Variants in DGKB observed in about 807,000 individuals in gnomAD.
The protein encoded by DGKB is diacylglycerol kinase beta.
DGKB carries 67 observed loss-of-function variants against 114.3 expected under a neutral mutation model. The ratio of observed to expected loss-of-function variants is 0.59; its 90% confidence interval spans 0.48 to 0.72. The LOEUF (loss-of-function observed/expected upper bound fraction) is 0.72. Among genes scored for constraint, DGKB ranks in the 30% least tolerant of loss-of-function variants. The probability of loss-of-function intolerance (pLI) is 0.00; values close to 1 mark genes in which losing one functional copy is unlikely to be tolerated. For synonymous variants in DGKB, 398 were observed against 323.1 expected, an observed-to-expected ratio of 1.23 and a Z score of -2.49; for missense variants, 907 against 975.2, an observed-to-expected ratio of 0.93 and a Z score of 0.93.
chr7:14,525,032 T>C (rs1365517170), intron 20 of DGKB, among the ~76,000 whole-genome samples: 1 of 152,130 alleles, frequency 6.6e-6, no homozygotes, highest in African/African-American at 2.4e-5. Flanking sequence ...GATGAGTACA[T>C]GTAGTCATCC....
At chr7:14,798,976 T>C (rs2128042729) in intron 2 of DGKB, among the ~76,000 whole-genome samples, 1 of 152,348 alleles carries the variant, frequency 6.6e-6, no homozygotes, top group East Asian at 1.9e-4. Context: ...CAGAAATTAG[T>C]GCCATCATCA....
At chr7:14,346,253 T>C (rs1269587839) in intron 21 of DGKB, among the ~76,000 whole-genome samples, 1 of 151,864 alleles carries the variant, frequency 6.6e-6, no homozygotes, top group Non-Finnish European at 1.5e-5. Context: ...AAAAAGACAT[T>C]TGGCAAAGGC....
intron 1 of DGKB, among the ~76,000 whole-genome samples, chr7:14,931,540 CT>C (rs1286226591): frequency 1.3e-5 from 2 of 152,030 alleles, no homozygotes; most frequent in Admixed American, 6.6e-5. Flanking sequence ...GTCCTCAGAC[CT>C]TTGGTGAAAA....
intron 25 of DGKB, among the ~76,000 whole-genome samples, chr7:14,167,292 A>C (rs1262935669): frequency 6.6e-6 from 1 of 151,932 alleles, no homozygotes; most frequent in Non-Finnish European, 1.5e-5. Flanking sequence ...GGTAATTAAA[A>C]CTCCAATGGA....
chr7:14,517,802 A>G (rs1253017410), intron 20 of DGKB, among the ~76,000 whole-genome samples: 1 of 152,082 alleles, frequency 6.6e-6, no homozygotes, highest in Non-Finnish European at 1.5e-5. Flanking sequence ...TAAAAAGTAA[A>G]AAAAAGTAAC....
chr7:14,945,524 C>A (rs897247223), intron 1 of DGKB, among the ~76,000 whole-genome samples: 1 of 151,738 alleles, frequency 6.6e-6, no homozygotes, highest in South Asian at 2.1e-4. Flanking sequence ...TAAACATACA[C>A]AATCAGATCT....
At chr7:14,829,999 T>C (rs1846195847) in intron 2 of DGKB, among the ~76,000 whole-genome samples, 1 of 152,066 alleles carries the variant, frequency 6.6e-6, no homozygotes, top group Admixed American at 6.6e-5. Context: ...TAGAGATCAC[T>C]GGGCAGTATT....
rs1433865159 is a variant in DGKB at position 14,697,999 on chromosome 7, AAGAAAGAAAGAAAGAAAG to A, written c.591+78_591+95del. The A allele has an allele frequency of 9.5e-3, 1,557 of 163,934 alleles. 16 individuals are homozygous for A. The highest frequency in any genetic ancestry group is 0.073 in the African/African-American group (1,265 of 17,338). The allele number at this position is 163,934 out of a possible 1,614,324, so 10.2% of individuals were successfully genotyped here. ...AAAGAAAGAGAGAGAGAAAGAAAAAAAGAAAGAAAGAAAGAAAGAGAAAGAAAGAAAGAAAGAAAAGAA... is the reference window on the plus strand; with the variant it reads ...AAAGAAAGAGAGAGAGAAAGAAAAAAAGAAAGAAAGAAAGAAAGAAAAGAA... On this transcript the variant is annotated intron_variant, in intron 8 of 25. Coordinates refer to ENST00000402815, the MANE Select transcript of DGKB (RefSeq NM_001350709.2).
intron 2 of DGKB, among the ~76,000 whole-genome samples, chr7:14,791,789 C>T (rs148182568): frequency 5.8e-4 from 88 of 152,186 alleles, no homozygotes; most frequent in African/African-American, 1.9e-3. Context: ...TTGGACATGA[C>T]GTATCATTTT....
intron 23 of DGKB, among the ~76,000 whole-genome samples, chr7:14,198,228 A>G (rs1785306054): frequency 1.3e-5 from 2 of 152,140 alleles, no homozygotes; most frequent in African/African-American, 2.4e-5. Context: ...AGAAAAAATT[A>G]GAAAGCAGAG....
chr7:14,953,799 T>C lies in DGKB; in HGVS notation c.-188+20897A>G, dbSNP rs144733852. On this transcript the variant is annotated intron_variant, in intron 1 of 4. Coordinates refer to the DGKB transcript ENST00000437998. ...ACAAGAACTGTAAAGAATCCAAATG[T>C]TAGGGTTAAAATAAAAATCCTCCCC... is the stretch of plus-strand genomic sequence containing the variant. 1.9e-3 allele frequency among the ~76,000 whole-genome samples: 282 copies of C among 152,210 alleles called. 4 individuals are homozygous for C. The highest frequency in any genetic ancestry group is 6.6e-3 in the African/African-American group (273 of 41,542).
intron 21 of DGKB, among the ~76,000 whole-genome samples, chr7:14,381,529 G>T (rs764357383): frequency 1.3e-5 from 2 of 152,162 alleles, no homozygotes; most frequent in Non-Finnish European, 2.9e-5. Context: ...TCTAACTAAT[G>T]AATCTTACCA....
upstream of DGKB, chr7:14,903,069 T>C (rs770239411): frequency 2.0e-5 from 3 of 152,216 alleles, no homozygotes; most frequent in African/African-American, 7.2e-5. Flanking sequence ...TCACAAATGA[T>C]TATTTTATCA....
chr7:14,901,061 T>A (rs1028065353), intron 1 of DGKB, among the ~76,000 whole-genome samples: 3 of 152,194 alleles, frequency 2.0e-5, no homozygotes, highest in Non-Finnish European at 4.4e-5. Context: ...TTTTACTCAG[T>A]GATTCACAAG....
intron 18 of DGKB, among the ~76,000 whole-genome samples, chr7:14,581,226 A>C (rs937181014): frequency 6.6e-6 from 1 of 152,168 alleles, no homozygotes; most frequent in Non-Finnish European, 1.5e-5. Context: ...AACTCAGCTA[A>C]AAATTGTGGT....
chr7:14,170,149 GAAAGAAAGAAAGAA>G (rs2128235965), intron 25 of DGKB, among the ~76,000 whole-genome samples: 2 of 26,564 alleles, frequency 7.5e-5, no homozygotes, highest in African/African-American at 4.6e-4. Context: ...AAAAAAAAAA[GAAAGAAAGAAAGAA>G]AGAAAGAAAG....
At chr7:14,747,273 G>A (rs1327418242) in intron 4 of DGKB, among the ~76,000 whole-genome samples, 1 of 146,988 alleles carries the variant, frequency 6.8e-6, no homozygotes, top group East Asian at 2.0e-4. Context: ...GCTCACTGCA[G>A]CCTCAATCTC....
At chr7:14,811,872 A>G (rs965537863) in intron 2 of DGKB, among the ~76,000 whole-genome samples, 2 of 150,068 alleles carry the variant, frequency 1.3e-5, no homozygotes, top group African/African-American at 5.0e-5. Flanking sequence ...TTGTCTAACC[A>G]TCAGCACTAT....
chr7:14,541,549 T>C (rs907586081), intron 20 of DGKB, among the ~76,000 whole-genome samples: 11 of 152,190 alleles, frequency 7.2e-5, no homozygotes, highest in African/African-American at 2.2e-4. Flanking sequence ...TCTGTTTATA[T>C]TGGATCACAT....
Sources: allele counts gnomAD v4.1 joint callset (sites outside exome capture counted in the v4.1 genomes callset), GRCh38; gene constraint gnomAD v4.1.1; transcripts MANE v1.5; gene names NCBI Gene and HGNC (gene_info 2026-07-23, HGNC 2026-07-21).